RPL36A: variants seen among roughly 807,000 people sequenced by gnomAD.
RPL36A encodes the protein ribosomal protein L36a, also known as large ribosomal subunit protein eL42.
For synonymous variants in RPL36A, 25 were observed against 28.5 expected (o/e 0.88, Z 0.39); for missense variants, 20 against 81.0 (o/e 0.25, Z 2.89).
chrX:101,393,866 A>G (rs73250685), intron 3 of RPL36A: 3,207 of 104,868 alleles, frequency 0.031, 55 homozygotes, highest in Non-Finnish European at 0.044. Flanking sequence ...AACATAAGGA[A>G]ATAAAAAAAA....
Position 101,395,779 on chromosome X carries a change from T to C in RPL36A, c.*31T>C. The stretch of plus-strand genomic sequence containing the variant: ...ATCTTTTATTATGAAGACAATAAAA[T>C]CTTGAGTTTATGTTCACTTCATTTG... On this transcript the variant is annotated 3_prime_UTR_variant, in exon 5 of 5. Transcript: ENST00000553110. 1 of 1,172,078 alleles carries C rather than the reference T, an allele frequency of 8.5e-7. No individual in the cohort carries two copies. Among genetic ancestry groups the C allele is most frequent in the Non-Finnish European group, 1.2e-6 (1 of 861,600 alleles).
chrX:101,391,080 A>G (rs1555983328), intron 1 of RPL36A, 34 bp downstream of exon 1: 6 of 1,192,016 alleles, frequency 5.0e-6, no homozygotes, highest in Non-Finnish European at 6.8e-6. Flanking sequence ...AGTAACATCC[A>G]GCTTAATCTT....
intron 1 of RPL36A, 116 bp from the exon 2 acceptor site, chrX:101,391,341 CAG>C (rs1217441012): frequency 1.0e-5 from 9 of 900,545 alleles, no homozygotes; most frequent in Non-Finnish European, 1.3e-5. Flanking sequence ...ACCCTGTAGT[CAG>C]AGGTAGCAAG....
Position 101,395,847 on chromosome X carries a change from A to C in RPL36A, c.*99A>C. The C allele has an allele frequency of 1.2e-6, 1 of 822,225 alleles. No homozygotes were observed. Among genetic ancestry groups the C allele is most frequent in the Non-Finnish European group, 1.7e-6 (1 of 575,864 alleles). The allele number at this position is 822,225 out of a possible 1,213,427, so 67.8% of individuals were successfully genotyped here. ...GGGAGGGAATAAGCTAGAGCCATCA[A>C]TACAATTCCGCTTGTGGGGAAATTT... On this transcript the variant is annotated 3_prime_UTR_variant, in exon 5 of 5. Transcript: ENST00000553110.
chrX:101,394,927 T>C (rs1213903036), intron 3 of RPL36A, among the ~76,000 whole-genome samples: 9 of 104,043 alleles, frequency 8.7e-5, no homozygotes, highest in Non-Finnish European at 1.8e-4. Flanking sequence ...CAGCTGGGAT[T>C]ATAGACACGT....
At chrX:101,392,022 A>G in intron 3 of RPL36A, 200 bp downstream of exon 3, 1 of 1,162,336 alleles carries the variant, frequency 8.6e-7, no homozygotes, top group Non-Finnish European at 1.1e-6. Flanking sequence ...TTCAGTGTTT[A>G]CGATTTTTTA....
At chrX:101,394,213 A>T (rs889060364) in intron 3 of RPL36A, among the ~76,000 whole-genome samples, 11 of 108,556 alleles carry the variant, frequency 1.0e-4, no homozygotes, top group Non-Finnish European at 2.1e-4. Context: ...GGCGCCTGTT[A>T]TCCCAGCTAC....
intron 3 of RPL36A, chrX:101,393,483 G>C (rs1194112374): frequency 8.9e-6 from 1 of 112,261 alleles, no homozygotes; most frequent in Non-Finnish European, 1.9e-5. Context: ...AAATAACTTA[G>C]AGTGTAATTG....
At chrX:101,391,114 A>G in intron 1 of RPL36A, 68 bp downstream of exon 1, 11 of 1,110,529 alleles carry the variant, frequency 9.9e-6, no homozygotes, top group Non-Finnish European at 1.4e-5. Flanking sequence ...CGCCCGTGCT[A>G]TGCCGGGATG....
intron 1 of RPL36A, 76 bp downstream of exon 1, chrX:101,391,122 A>T: frequency 1.8e-6 from 2 of 1,086,870 alleles, no homozygotes; most frequent in Non-Finnish European, 2.6e-6. Flanking sequence ...CTATGCCGGG[A>T]TGGGTCCAGG....
At position 101,395,323 on chromosome X, in the gene RPL36A, A is replaced by T. The variant is rs782516614; in HGVS notation, c.178-12A>T. On this transcript the variant is annotated splice_polypyrimidine_tract_variant and intron_variant, in intron 3 of 4. Transcript: ENST00000553110. ...AGTTATTTATTAAGGCTTTAATTTA[A>T]TTTTTTTTCAGGCTAAAACTACAAA... 1 of 1,176,554 alleles carries T rather than the reference A, an allele frequency of 8.5e-7. No individual in the cohort carries two copies. Among genetic ancestry groups the T allele is most frequent in the African/African-American group, 1.8e-5 (1 of 55,491 alleles).
intron 3 of RPL36A, 175 bp downstream of exon 3, chrX:101,391,997 A>G: frequency 8.6e-7 from 1 of 1,168,129 alleles, no homozygotes; most frequent in Non-Finnish European, 1.1e-6. Context: ...TGACTAGTCC[A>G]CAATACTGCA....
At chrX:101,391,729 T>C (rs1555983456) in intron 2 of RPL36A, 26 bp from the exon 3 acceptor site, 4 of 1,208,250 alleles carry the variant, frequency 3.3e-6, no homozygotes, top group Admixed American at 2.2e-5. Context: ...CAGTATTTTA[T>C]AACAAATACC....
chrX:101,394,446 G>A (rs1927941168), intron 3 of RPL36A, among the ~76,000 whole-genome samples: 1 of 108,669 alleles, frequency 9.2e-6, no homozygotes, highest in Non-Finnish European at 1.9e-5. Flanking sequence ...AGAATTTATT[G>A]ATCTTTTATA....
chrX:101,394,774 TAATA>T (rs1272612335), intron 3 of RPL36A, among the ~76,000 whole-genome samples: 10 of 85,255 alleles, frequency 1.2e-4, no homozygotes, highest in Admixed American at 2.7e-4. Context: ...TTTATATATA[TAATA>T]TATATATATA....
chrX:101,391,827 G>A lies in RPL36A; in HGVS notation c.177+5G>A, dbSNP rs1307463913. On this transcript the variant is annotated splice_donor_5th_base_variant and intron_variant, in intron 3 of 4. Coordinates refer to ENST00000553110, the MANE Select transcript of RPL36A (RefSeq NM_021029.6). ...AAGCCGATTTTCCGGAAAAAGGTGA[G>A]TGGTAGTTACTATTTGACGTTTCCC... 1.7e-6 allele frequency: 2 copies of A among 1,206,174 alleles called. No homozygotes were observed. Among genetic ancestry groups the A allele is most frequent in the Admixed American group, 2.2e-5 (1 of 44,962 alleles).
At chrX:101,395,227 A>G (rs1927982762) in intron 3 of RPL36A, 108 bp from the exon 4 acceptor site, 3 of 895,688 alleles carry the variant, frequency 3.3e-6, no homozygotes, top group Non-Finnish European at 4.4e-6. Flanking sequence ...TAGTTGCCCC[A>G]CTATTCATTT....
intron 3 of RPL36A, chrX:101,392,053 CA>C (rs782417924): frequency 1.7e-6 from 2 of 1,152,593 alleles, no homozygotes; most frequent in South Asian, 1.9e-5. Context: ...TCTGAAGAGG[CA>C]AAAAATTGAG....
At chrX:101,391,327 GCCCACCCTGT>G in intron 1 of RPL36A, 122 bp from the exon 2 acceptor site, 1 of 825,188 alleles carries the variant, frequency 1.2e-6, no homozygotes, top group Non-Finnish European at 1.8e-6. Flanking sequence ...CATGGGGCTG[GCCCACCCTGT>G]AGTCAGAGGT....
Sources: allele counts gnomAD v4.1 joint callset (sites outside exome capture counted in the v4.1 genomes callset), GRCh38; gene constraint gnomAD v4.1.1; transcripts MANE v1.5; gene names NCBI Gene and HGNC (gene_info 2026-07-23, HGNC 2026-07-21).